The following WDPCP variants were observed in gnomAD, a reference collection of about 807,000 sequenced individuals.
The protein encoded by WDPCP is WD repeat-containing and planar cell polarity effector protein fritz homolog.
Under a neutral mutation model 93.1 loss-of-function variants are expected in WDPCP, and 71 were observed. The ratio of observed to expected loss-of-function variants is 0.76; its 90% CI spans 0.63 to 0.93. The LOEUF is 0.93. Among genes scored for constraint, WDPCP ranks in the 40% least tolerant of loss-of-function variants. The probability of loss-of-function intolerance (pLI) is 0.00; values close to 1 mark genes in which losing one functional copy is unlikely to be tolerated. For missense variants in WDPCP, 844 were observed against 887.4 expected, an observed-to-expected ratio of 0.95 and a Z score of 0.62; for synonymous variants, 315 against 315.0, an observed-to-expected ratio of 1.00 and a Z score of 0.00.
intron 14 of WDPCP, among the ~76,000 whole-genome samples, chr2:63,183,948 TC>T (rs1244497160): frequency 6.6e-6 from 1 of 152,162 alleles, no homozygotes; most frequent in Admixed American, 6.5e-5. Context: ...ATACTCCTGC[TC>T]ACTTTTAGTT....
rs932421656 is a variant in WDPCP at position 63,617,791 on chromosome 2, TAA to T, written n.488+32866_488+32867del. On this transcript the variant is annotated intron_variant and non_coding_transcript_variant, in intron 3 of 4. Coordinates refer to the WDPCP transcript ENST00000467687. ...TATACTTTATTTTAGGCAGTTGAGATAAAGAGTTGGTTCTCAATTTCTTTTAG... is the reference window on the plus strand; with the variant it reads ...TATACTTTATTTTAGGCAGTTGAGATAGAGTTGGTTCTCAATTTCTTTTAG... Among the ~76,000 whole-genome samples, 12 of 152,320 alleles carry T rather than the reference TAA, an allele frequency of 7.9e-5. 2 individuals are homozygous for T. In the South Asian group the frequency reaches 2.5e-3, roughly 32 times the overall value.
intron 14 of WDPCP, among the ~76,000 whole-genome samples, chr2:63,249,545 T>C (rs1680552287): frequency 6.6e-6 from 1 of 152,174 alleles, no homozygotes; most frequent in South Asian, 2.1e-4. Context: ...TGAGAATGCT[T>C]ATTTAATCTC....
At chr2:63,591,719 CTG>C (rs1709204981), upstream of WDPCP, among the ~76,000 whole-genome samples, 1 of 152,196 alleles carries the variant, frequency 6.6e-6, no homozygotes, top group Admixed American at 6.5e-5. Flanking sequence ...CAAAGACAGA[CTG>C]TTCTCAAGAG....
intron 14 of WDPCP, among the ~76,000 whole-genome samples, chr2:63,178,847 A>T (rs1274204418): frequency 6.6e-6 from 1 of 151,990 alleles, no homozygotes; most frequent in Non-Finnish European, 1.5e-5. Context: ...ATAGCCATAA[A>T]CTTCTCTGTT....
chr2:63,290,176 G>A (rs1477658757), intron 13 of WDPCP, among the ~76,000 whole-genome samples: 1 of 151,270 alleles, frequency 6.6e-6, no homozygotes, highest in Non-Finnish European at 1.5e-5. Context: ...CTTTTGGATT[G>A]AATATTTTAA....
chr2:63,786,068 C>A (rs528058650), intron 2 of WDPCP, among the ~76,000 whole-genome samples: 2 of 152,106 alleles, frequency 1.3e-5, no homozygotes, highest in East Asian at 3.9e-4. Flanking sequence ...GAGACAGGGT[C>A]TCTCTCTGTT....
At chr2:63,330,279 C>G (rs1687882016) in intron 12 of WDPCP, among the ~76,000 whole-genome samples, 2 of 152,192 alleles carry the variant, frequency 1.3e-5, no homozygotes. Context: ...GGTATCGTAA[C>G]AGATGTAAGG....
At chr2:63,266,548 C>G (rs1332940972) in intron 13 of WDPCP, among the ~76,000 whole-genome samples, 1 of 152,210 alleles carries the variant, frequency 6.6e-6, no homozygotes, top group African/African-American at 2.4e-5. Flanking sequence ...TGGCTCACGC[C>G]TGTAATCCCA....
chr2:63,519,444 G>A (rs1702780844), intron 1 of WDPCP, among the ~76,000 whole-genome samples: 1 of 152,184 alleles, frequency 6.6e-6, no homozygotes, highest in South Asian at 2.1e-4. Flanking sequence ...GCTGGCAAAT[G>A]CAAACGGGCA....
intron 1 of WDPCP, among the ~76,000 whole-genome samples, chr2:63,546,108 A>C (rs1705134611): frequency 6.6e-6 from 1 of 152,206 alleles, no homozygotes; most frequent in Non-Finnish European, 1.5e-5. Context: ...TATTCACTGA[A>C]GCAGAAAAAT....
chr2:63,549,083 T>C (rs1705368407), intron 1 of WDPCP, among the ~76,000 whole-genome samples: 1 of 151,712 alleles, frequency 6.6e-6, no homozygotes, highest in Non-Finnish European at 1.5e-5. Flanking sequence ...ACCCAGTCTC[T>C]ACTAAAAATA....
intron 1 of WDPCP, among the ~76,000 whole-genome samples, chr2:63,500,753 G>C (rs894384143): frequency 6.6e-6 from 1 of 152,036 alleles, no homozygotes; most frequent in South Asian, 2.1e-4. Context: ...CATTTGTAAC[G>C]GTGTTGTAAG....
chr2:63,829,677 C>A (rs1671163912), upstream of WDPCP, among the ~76,000 whole-genome samples: 1 of 152,064 alleles, frequency 6.6e-6, no homozygotes, highest in South Asian at 2.1e-4. Context: ...AAAATTTTAT[C>A]CTTTCGCTTC....
At chr2:63,345,836 A>G (rs2104500467) in intron 12 of WDPCP, among the ~76,000 whole-genome samples, 1 of 152,300 alleles carries the variant, frequency 6.6e-6, no homozygotes, top group African/African-American at 2.4e-5. Context: ...CCCACAATGT[A>G]GTACCTACTC....
At chr2:63,310,434 G>A (rs1686095970) in intron 13 of WDPCP, among the ~76,000 whole-genome samples, 1 of 151,874 alleles carries the variant, frequency 6.6e-6, no homozygotes, top group Non-Finnish European at 1.5e-5. Flanking sequence ...CTACAATGCA[G>A]CCTTAAGTGA....
At chr2:63,436,265 G>C (rs192171190) in intron 8 of WDPCP, among the ~76,000 whole-genome samples, 6 of 152,094 alleles carry the variant, frequency 3.9e-5, no homozygotes, top group Admixed American at 2.6e-4. Context: ...ATAATAAGTA[G>C]CACTAATTTC....
At chr2:63,416,203 T>TC (rs1310666626) in intron 9 of WDPCP, among the ~76,000 whole-genome samples, 4 of 151,672 alleles carry the variant, frequency 2.6e-5, no homozygotes, top group Non-Finnish European at 4.4e-5. Context: ...TTTTTTCCTT[T>TC]TTTTTTTTTC....
intron 1 of WDPCP, among the ~76,000 whole-genome samples, chr2:63,574,301 TACTCTGTCCCTTTATTTCTCAG>T (rs1264538511): frequency 6.6e-6 from 1 of 152,200 alleles, no homozygotes; most frequent in Non-Finnish European, 1.5e-5. Flanking sequence ...CTCTCTTTTG[TACTCTGTCCCTTTATTTCTCAG>T]ACTGGCCGAC....
In WDPCP at chr2:63,378,483, A is replaced by C. The variant is rs992864301; in HGVS notation, c.1651T>G (p.Phe551Val). 1 of 1,613,216 alleles carries C rather than the reference A, an allele frequency of 6.2e-7. No individual in the cohort carries two copies. The highest frequency in any genetic ancestry group is 1.3e-5 in the African/African-American group (1 of 74,998). ...EAQLETSLGT[F>V]YAPTRPLLDS... is the part of the protein sequence containing the mutation. ...AGAAGTGGTCTTGTTGGAGCATAGA[A>C]GGTTCCAAGGCTTGTCTCAAGCTGT... The change falls in exon 12 of 18, where the codon TTC (phenylalanine) becomes GTC (valine). Residue 551 changes from phenylalanine to valine, a missense_variant. Phe to Val is a conservative substitution (Grantham distance 50, BLOSUM62 -1). Transcript: ENST00000272321.
Sources: allele counts gnomAD v4.1 joint callset (sites outside exome capture counted in the v4.1 genomes callset), GRCh38; gene constraint gnomAD v4.1.1; transcripts MANE v1.5; gene names NCBI Gene and HGNC (gene_info 2026-07-23, HGNC 2026-07-21).